VWA3A: variants seen among roughly 807,000 people sequenced by gnomAD.
The protein encoded by VWA3A is von Willebrand factor A domain containing 3A, also known as von Willebrand factor A domain-containing protein 3A.
A neutral mutation model predicts 160.4 loss-of-function variants in VWA3A; 134 were observed. The observed-to-expected ratio is 0.84, with a 90% CI of 0.73 to 0.96. The LOEUF (loss-of-function observed/expected upper bound fraction) is 0.96. Among genes scored for constraint, VWA3A ranks in the 40% least tolerant of loss-of-function variants. The pLI, the probability that VWA3A is intolerant of heterozygous loss-of-function variation, is 0.00. For missense variants in VWA3A, 1,310 were observed against 1,447.9 expected (o/e 0.90, Z 1.55); for synonymous variants, 476 against 543.4 (o/e 0.88, Z 1.72).
chr16:22,129,948 G>A (rs2045919866), intron 17 of VWA3A, among the ~76,000 whole-genome samples: 1 of 152,118 alleles, frequency 6.6e-6, no homozygotes, highest in Non-Finnish European at 1.5e-5. Context: ...AGCACTTTGA[G>A]AGGATGAGGC....
intron 12 of VWA3A, among the ~76,000 whole-genome samples, chr16:22,119,646 G>T (rs1196969740): frequency 6.6e-6 from 1 of 152,142 alleles, no homozygotes; most frequent in Non-Finnish European, 1.5e-5. Context: ...CTCCAGCCTG[G>T]GCAACAGAGC....
intron 17 of VWA3A, among the ~76,000 whole-genome samples, chr16:22,127,345 T>G (rs2045868364): frequency 6.6e-6 from 1 of 152,052 alleles, no homozygotes. Context: ...AGGCTGATCT[T>G]GAACTCCTAA....
At position 22,131,587 on chromosome 16, in the gene VWA3A, G is replaced by A. The variant is rs2045949557; in HGVS notation, c.1730G>A (p.Trp577Ter). 6 of 1,612,016 alleles carry A rather than the reference G, an allele frequency of 3.7e-6. No individual in the cohort carries two copies. Among genetic ancestry groups the A allele is most frequent in the African/African-American group, 1.3e-5 (1 of 74,896 alleles). ...CATGGCCATCTCTGCCTCCGCAGGT[G>A]GGCCCTGAACCTGCGGTGTCGGGGC... ...SHNNLQSAWR[W>*]ALNLRCRGSR... Residue 577 changes from tryptophan to a stop codon, truncating the protein, a stop_gained and splice_region_variant, in exon 19 of 34, where the codon TGG becomes TAG. Transcript: ENST00000389398. LOFTEE classifies it high-confidence loss of function.
chr16:22,155,823 C>A, intron 32 of VWA3A, 28 bp from the exon 33 acceptor site: 1 of 1,613,806 alleles, frequency 6.2e-7, no homozygotes, highest in Non-Finnish European at 8.5e-7. Context: ...ACCAGGGAGA[C>A]CATCTTTCTT....
At chr16:22,145,157 C>T (rs1041444575) in intron 26 of VWA3A, among the ~76,000 whole-genome samples, 13 of 152,086 alleles carry the variant, frequency 8.5e-5, no homozygotes, top group African/African-American at 2.9e-4. Flanking sequence ...CTGATCATTT[C>T]TCTCCTTGCC....
At position 22,141,247 on chromosome 16, in the gene VWA3A, C is replaced by A. The variant is rs187401392; in HGVS notation, c.2384-335C>A. On this transcript the variant is annotated intron_variant, in intron 23 of 33. Coordinates refer to ENST00000389398, the MANE Select transcript of VWA3A (RefSeq NM_173615.5). ...AGCAGAGTTCTGGAGTCAGCAGGAC[C>A]AGGTAGAATCATGCCCTGCCTCTTA... The A allele has an allele frequency of 1.7e-3, 864 of 508,728 alleles. 8 individuals carry two copies. The highest frequency in any genetic ancestry group is 3.6e-3 in the Middle Eastern group (12 of 3,360). The allele number at this position is 508,728 out of a possible 1,614,324, so 31.5% of individuals were successfully genotyped here. A position where few individuals can be genotyped will look rare whatever the true frequency, so the allele number is the denominator to read the frequency against.
intron 6 of VWA3A, among the ~76,000 whole-genome samples, chr16:22,105,754 T>A (rs188685134): frequency 5.9e-5 from 9 of 152,358 alleles, no homozygotes; most frequent in Admixed American, 2.6e-4. Flanking sequence ...AGGGAATGAA[T>A]GTTTTCAATT....
chr16:22,148,366 A>G, intron 28 of VWA3A, 60 bp downstream of exon 28: 1 of 1,527,730 alleles, frequency 6.5e-7, no homozygotes, highest in Non-Finnish European at 8.8e-7. Flanking sequence ...TTCCCTGGCC[A>G]AGCACGCCCC....
At chr16:22,148,786 G>C (rs1043873235) in intron 28 of VWA3A, among the ~76,000 whole-genome samples, 2 of 151,922 alleles carry the variant, frequency 1.3e-5, no homozygotes, top group Admixed American at 6.6e-5. Context: ...AAAAAGGAAC[G>C]CAATTTTTAA....
At chr16:22,115,990 GGA>G (rs900813459) in intron 9 of VWA3A, among the ~76,000 whole-genome samples, 7 of 139,332 alleles carry the variant, frequency 5.0e-5, no homozygotes, top group Admixed American at 1.4e-4. Context: ...GAGAGAGAGA[GGA>G]GAGAGAGAGA....
chr16:22,111,063 A>G, intron 8 of VWA3A, 69 bp downstream of exon 8: 1 of 1,363,620 alleles, frequency 7.3e-7, no homozygotes, highest in Non-Finnish European at 1.0e-6. Flanking sequence ...CAGAGTCTTT[A>G]TTGAATAATT....
Position 22,136,196 on chromosome 16 carries a change from G to C in VWA3A, c.2139+1758G>C, listed in dbSNP as rs145986802. Among the ~76,000 whole-genome samples the C allele has an allele frequency of 7.9e-3, 1,196 of 152,330 alleles. 20 individuals carry two copies. The highest frequency in any genetic ancestry group is 0.027 in the African/African-American group (1,131 of 41,564). On this transcript the variant is annotated intron_variant, in intron 21 of 33. Coordinates refer to ENST00000389398, the MANE Select transcript of VWA3A (RefSeq NM_173615.5). Reference sequence around the variant, plus strand: ...GGAGCCAGATCCCGTGAGGAGCAATGACTATCTAAGGAAGAATTCCCCGGA... The same window carrying C: ...GGAGCCAGATCCCGTGAGGAGCAATCACTATCTAAGGAAGAATTCCCCGGA...
At chr16:22,102,763 G>C (rs574172108) in intron 5 of VWA3A, among the ~76,000 whole-genome samples, 2 of 152,276 alleles carry the variant, frequency 1.3e-5, no homozygotes, top group African/African-American at 4.8e-5. Context: ...ACACAGATTT[G>C]AGCAAGTGCA....
At chr16:22,115,750 T>C (rs963591279) in intron 9 of VWA3A, among the ~76,000 whole-genome samples, 1 of 149,530 alleles carries the variant, frequency 6.7e-6, no homozygotes, top group African/African-American at 2.5e-5. Context: ...GGCAGGAGGA[T>C]TGATTAAGCC....
intron 23 of VWA3A, chr16:22,141,097 G>T (rs2046139311): frequency 1.2e-5 from 5 of 433,904 alleles, no homozygotes; most frequent in Admixed American, 2.5e-5. Flanking sequence ...TGAGGCTCAG[G>T]GGGGTAAGGA....
intron 18 of VWA3A, 102 bp downstream of exon 18, chr16:22,131,381 C>T (rs1034875805): frequency 1.2e-5 from 17 of 1,467,038 alleles, no homozygotes; most frequent in Admixed American, 2.0e-5. Flanking sequence ...TCTCTAGAGT[C>T]CCTGACCCCA....
At chr16:22,141,527 C>A in intron 23 of VWA3A, 55 bp from the exon 24 acceptor site, 1 of 1,500,022 alleles carries the variant, frequency 6.7e-7, no homozygotes, top group Non-Finnish European at 9.1e-7. Context: ...AGCTGGACAG[C>A]TGTATTGCAA....
intron 12 of VWA3A, among the ~76,000 whole-genome samples, chr16:22,119,669 C>CA (rs1567205386): frequency 6.6e-6 from 1 of 152,042 alleles, no homozygotes; most frequent in African/African-American, 2.4e-5. Flanking sequence ...GGCCCTGTCT[C>CA]AAAAAAGAAT....
At chr16:22,147,719 C>G (rs1346832771) in intron 27 of VWA3A, 3 of 699,484 alleles carry the variant, frequency 4.3e-6, no homozygotes, top group Non-Finnish European at 7.8e-6. Flanking sequence ...CACATTACCC[C>G]TGGGAACGGT....
Sources: gnomAD v4.1 joint callset for allele counts (sites outside exome capture counted in the v4.1 genomes callset) on GRCh38, gnomAD v4.1.1 for gene constraint, MANE v1.5 for transcripts, NCBI Gene and HGNC (gene_info 2026-07-23, HGNC 2026-07-21) for gene names.